Variants in ZFHX3 observed in about 807,000 individuals in gnomAD.
ZFHX3 encodes zinc finger homeobox protein 3.
In ZFHX3, 42 loss-of-function variants were observed where a neutral mutation model predicts 279.1. The observed-to-expected ratio is 0.15, with a 90% confidence interval of 0.12 to 0.19. The LOEUF is 0.19. ZFHX3 is among the 10% of genes least tolerant of loss of function. The probability of loss-of-function intolerance (pLI) is 1.00; values close to 1 mark genes in which losing one functional copy is unlikely to be tolerated. For synonymous variants in ZFHX3, 2,293 were observed against 1,957.8 expected, an observed-to-expected ratio of 1.17 and a Z score of -4.52; for missense variants, 4,981 against 4,754.0, an observed-to-expected ratio of 1.05 and a Z score of -1.40.
intron 3 of ZFHX3, among the ~76,000 whole-genome samples, chr16:72,909,682 GC>G (rs1348578560): frequency 6.6e-6 from 1 of 152,000 alleles, no homozygotes; most frequent in East Asian, 1.9e-4. Context: ...TTCGAGACCA[GC>G]CTGGGCAACG....
intron 4 of ZFHX3, among the ~76,000 whole-genome samples, chr16:73,289,126 T>C (rs912260642): frequency 6.6e-6 from 1 of 151,494 alleles, no homozygotes; most frequent in Non-Finnish European, 1.5e-5. Flanking sequence ...GCTCCTCTCC[T>C]AAAATGGGAG....
At chr16:73,648,108 C>T (rs1022166591) in intron 2 of ZFHX3, among the ~76,000 whole-genome samples, 4 of 152,172 alleles carry the variant, frequency 2.6e-5, no homozygotes, top group African/African-American at 4.8e-5. Flanking sequence ...ATTTAAAATA[C>T]ACACACCCTA....
chr16:73,575,216 T>C (rs2051787323), intron 2 of ZFHX3, among the ~76,000 whole-genome samples: 1 of 152,170 alleles, frequency 6.6e-6, no homozygotes, highest in Non-Finnish European at 1.5e-5. Flanking sequence ...AGAATAGAAC[T>C]TCAAAAGTCA....
At chr16:73,565,865 T>C (rs1190115016) in intron 2 of ZFHX3, among the ~76,000 whole-genome samples, 1 of 152,208 alleles carries the variant, frequency 6.6e-6, no homozygotes, top group East Asian at 1.9e-4. Flanking sequence ...AGGGGACCAG[T>C]GGGGTCTTGG....
chr16:73,084,973 C>G (rs1965994113), intron 8 of ZFHX3, among the ~76,000 whole-genome samples: 1 of 152,144 alleles, frequency 6.6e-6, no homozygotes, highest in Admixed American at 6.6e-5. Flanking sequence ...AAGAGTACTA[C>G]CCGAAGCAAT....
At chr16:73,545,133 A>G (rs1471563055) in intron 2 of ZFHX3, among the ~76,000 whole-genome samples, 1 of 151,628 alleles carries the variant, frequency 6.6e-6, no homozygotes, top group Non-Finnish European at 1.5e-5. Context: ...CGGAAGCTAA[A>G]GAGAGTCACT....
Position 72,958,483 on chromosome 16 carries a change from C to G in ZFHX3, c.1663G>C (p.Ala555Pro). The change falls in exon 2 of 10, where the codon GCT (alanine) becomes CCT (proline). Residue 555 changes from alanine (A) to proline (P), a missense_variant. By Grantham distance (27) the Ala-to-Pro change is conservative. Around this residue, in one of 7 missense-constraint regions of ZFHX3, gnomAD observed 1,068 missense variants for 935.2 expected, o/e 1.14. Transcript: ENST00000268489. ...CCATCAAAGACAACAAAGGAAGAAG[C>G]AGAATTAGAACTAGTAGAAGCTGTG... Reference protein sequence around the residue: ...RGTASTSSNSASSFVVFDGAN... With the variant: ...RGTASTSSNSPSSFVVFDGAN... The G allele has an allele frequency of 6.2e-7, 1 of 1,614,074 alleles. No homozygotes were observed. The highest frequency in any genetic ancestry group is 1.1e-5 in the South Asian group (1 of 91,080).
chr16:73,393,059 G>A (rs553034602), intron 3 of ZFHX3, among the ~76,000 whole-genome samples: 3 of 152,222 alleles, frequency 2.0e-5, no homozygotes, highest in East Asian at 1.9e-4. Flanking sequence ...GGTCTTGAAC[G>A]CCTGACCTCA....
chr16:72,875,107 C>T (rs959398203), intron 4 of ZFHX3, among the ~76,000 whole-genome samples: 1 of 152,210 alleles, frequency 6.6e-6, no homozygotes, highest in Non-Finnish European at 1.5e-5. Context: ...CGTTTTAGTG[C>T]TCATACAACT....
chr16:72,860,026 G>C (rs900767003), intron 4 of ZFHX3, among the ~76,000 whole-genome samples: 3 of 152,184 alleles, frequency 2.0e-5, no homozygotes, highest in Non-Finnish European at 4.4e-5. Context: ...TCTTATTTCC[G>C]TGCCCCTCGA....
chr16:73,043,536 C>T (rs77788784), intron 1 of ZFHX3, among the ~76,000 whole-genome samples: 1,965 of 152,264 alleles, frequency 0.013, 39 homozygotes, highest in African/African-American at 0.044. Flanking sequence ...GAAAAAATCC[C>T]CTTTAAATGT....
At chr16:73,777,354 T>C (rs1567407292) in intron 1 of ZFHX3, among the ~76,000 whole-genome samples, 1 of 151,732 alleles carries the variant, frequency 6.6e-6, no homozygotes. Context: ...ATATAAAAAA[T>C]TAGCCAGGTG....
chr16:72,855,960 G>A (rs946789478), intron 4 of ZFHX3, among the ~76,000 whole-genome samples: 4 of 152,222 alleles, frequency 2.6e-5, no homozygotes, highest in Admixed American at 1.3e-4. Flanking sequence ...GAAAAGAAAG[G>A]CCGTGTATGA....
chr16:73,036,752 C>T (rs1157040000), intron 1 of ZFHX3, among the ~76,000 whole-genome samples: 1 of 152,098 alleles, frequency 6.6e-6, no homozygotes, highest in African/African-American at 2.4e-5. Flanking sequence ...TTAATCAAAA[C>T]CAAATTACTC....
chr16:72,907,074 A>G (rs2039195118), intron 3 of ZFHX3, among the ~76,000 whole-genome samples: 1 of 152,198 alleles, frequency 6.6e-6, no homozygotes, highest in South Asian at 2.1e-4. Flanking sequence ...CCAGTGGGCA[A>G]GTGATGTCTT....
At chr16:73,780,349 T>C (rs572417393) in intron 1 of ZFHX3, among the ~76,000 whole-genome samples, 142 of 150,916 alleles carry the variant, frequency 9.4e-4, no homozygotes, top group African/African-American at 3.3e-3. Context: ...GGTTTTGCCA[T>C]GCTGGCCAGG....
At chr16:73,187,149 CA>C (rs1967929570) in intron 5 of ZFHX3, among the ~76,000 whole-genome samples, 1 of 150,240 alleles carries the variant, frequency 6.7e-6, no homozygotes, top group Non-Finnish European at 1.5e-5. Context: ...ATGTCTCACA[CA>C]CACACACACA....
intron 3 of ZFHX3, among the ~76,000 whole-genome samples, chr16:72,899,054 C>T (rs921346114): frequency 3.3e-5 from 5 of 152,326 alleles, no homozygotes; most frequent in South Asian, 2.1e-4. Context: ...TGACAATCAC[C>T]TCTTCACTAG....
chr16:72,859,662 G>T (rs957379054), intron 4 of ZFHX3, among the ~76,000 whole-genome samples: 1 of 152,184 alleles, frequency 6.6e-6, no homozygotes, highest in Non-Finnish European at 1.5e-5. Flanking sequence ...GGCCCCACTG[G>T]AGTACAAGGA....
Sources: allele counts gnomAD v4.1 joint callset (sites outside exome capture counted in the v4.1 genomes callset), GRCh38; gene constraint gnomAD v4.1.1; regional missense constraint gnomAD v4.1.1; transcripts MANE v1.5; gene names NCBI Gene and HGNC (gene_info 2026-07-23, HGNC 2026-07-21).